The following TFDP2 variants were observed in gnomAD, a reference collection of about 807,000 sequenced individuals.
TFDP2 encodes the protein transcription factor Dp-2 (E2F dimerization partner 2).
TFDP2 carries 17 observed loss-of-function variants against 59.3 expected under a neutral mutation model. The ratio of observed to expected loss-of-function variants is 0.29; its 90% CI spans 0.20 to 0.43. The LOEUF is 0.43. Among genes scored for constraint, TFDP2 ranks in the 20% least tolerant of loss-of-function variants. The pLI is 1.00. For missense variants in TFDP2, 391 were observed against 528.8 expected, an observed-to-expected ratio of 0.74 and a Z score of 2.56; for synonymous variants, 180 against 194.7, an observed-to-expected ratio of 0.92 and a Z score of 0.63.
intron 3 of TFDP2, among the ~76,000 whole-genome samples, chr3:142,058,769 T>A (rs899534151): frequency 1.3e-5 from 2 of 152,142 alleles, no homozygotes; most frequent in African/African-American, 4.8e-5. Flanking sequence ...CCTCACTGTG[T>A]CCACCAACCC....
At chr3:141,955,143 TG>T (rs1936437818) in intron 11 of TFDP2, among the ~76,000 whole-genome samples, 1 of 152,220 alleles carries the variant, frequency 6.6e-6, no homozygotes, top group Non-Finnish European at 1.5e-5. Context: ...TACTTGTTTG[TG>T]AGCATAACAC....
chr3:142,117,588 G>A, intron 1 of TFDP2, among the ~76,000 whole-genome samples: 1 of 152,108 alleles, frequency 6.6e-6, no homozygotes, highest in East Asian at 1.9e-4. Flanking sequence ...CAGAAAGAGA[G>A]TTAAACAATA....
At chr3:142,077,371 CCA>C (rs2060494744) in intron 3 of TFDP2, among the ~76,000 whole-genome samples, 1 of 152,118 alleles carries the variant, frequency 6.6e-6, no homozygotes, top group Admixed American at 6.6e-5. Context: ...AGTGCTTGCG[CCA>C]CCCCATCCCA....
intron 6 of TFDP2, among the ~76,000 whole-genome samples, chr3:141,985,792 G>C (rs1178654289): frequency 3.3e-5 from 5 of 152,088 alleles, no homozygotes; most frequent in Admixed American, 3.3e-4. Flanking sequence ...AAAAACATTT[G>C]TGCCTCAAAA....
At chr3:141,990,378 G>A (rs892864864) in intron 6 of TFDP2, among the ~76,000 whole-genome samples, 37 of 151,420 alleles carry the variant, frequency 2.4e-4, no homozygotes, top group African/African-American at 9.0e-4. Flanking sequence ...GGGTTCAAGC[G>A]ATTCTCTTGC....
At chr3:142,129,360 C>T (rs1180288589) in intron 1 of TFDP2, among the ~76,000 whole-genome samples, 1 of 151,914 alleles carries the variant, frequency 6.6e-6, no homozygotes, top group Non-Finnish European at 1.5e-5. Context: ...ACAAAAATAA[C>T]TTTCCTAGAC....
At chr3:142,138,610 C>T (rs2062821903) in intron 1 of TFDP2, among the ~76,000 whole-genome samples, 1 of 152,134 alleles carries the variant, frequency 6.6e-6, no homozygotes, top group Non-Finnish European at 1.5e-5. Flanking sequence ...TTATTTCTGC[C>T]TTCATTTCAT....
intron 2 of TFDP2, among the ~76,000 whole-genome samples, chr3:142,093,692 G>A (rs2061072410): frequency 6.6e-6 from 1 of 152,104 alleles, no homozygotes; most frequent in South Asian, 2.1e-4. Flanking sequence ...TATGACATGT[G>A]AGGAATCAAA....
rs1325323403 is a variant in TFDP2 at position 141,946,935 on chromosome 3, G to C, written c.*5578C>G. The C allele has an allele frequency of 6.6e-6, 1 of 152,368 alleles. No individual in the cohort carries two copies. The highest frequency in any genetic ancestry group is 1.5e-5 in the Non-Finnish European group (1 of 68,198). The allele number at this position is 152,368 out of a possible 1,614,324, so 9.4% of individuals were successfully genotyped here. On this transcript the variant is annotated 3_prime_UTR_variant, in exon 13 of 13. Transcript: ENST00000489671. ...CCCAACTACTTGGGAGGCTGAGGCAGAAGAATCGCTTGAACCCGGGAGGCA... is the reference window on the plus strand; with the variant it reads ...CCCAACTACTTGGGAGGCTGAGGCACAAGAATCGCTTGAACCCGGGAGGCA...
At chr3:142,012,093 A>T (rs1467368127) in intron 3 of TFDP2, among the ~76,000 whole-genome samples, 6 of 150,652 alleles carry the variant, frequency 4.0e-5, no homozygotes, top group Non-Finnish European at 7.4e-5. Context: ...GCTCACTGCA[A>T]GCTCTGCCTC....
At chr3:141,994,564 C>T (rs974524708) in intron 5 of TFDP2, 5 of 152,082 alleles carry the variant, frequency 3.3e-5, no homozygotes, top group African/African-American at 1.2e-4. Context: ...AATTGTTCAG[C>T]GTTTAAAAAG....
chr3:141,999,386 A>C (rs1421452441), intron 4 of TFDP2, among the ~76,000 whole-genome samples: 1 of 152,218 alleles, frequency 6.6e-6, no homozygotes, highest in Non-Finnish European at 1.5e-5. Context: ...CTTCTAGTCA[A>C]TAATAAGGTA....
At chr3:141,993,638 A>C in intron 5 of TFDP2, 53 bp from the exon 6 acceptor site, 1 of 1,064,134 alleles carries the variant, frequency 9.4e-7, no homozygotes, top group East Asian at 2.6e-5. Flanking sequence ...ATACAATTTA[A>C]TTTCATTAAT....
chr3:142,069,179 G>A (rs2060162906), intron 3 of TFDP2, among the ~76,000 whole-genome samples: 1 of 152,270 alleles, frequency 6.6e-6, no homozygotes, highest in East Asian at 1.9e-4. Flanking sequence ...CTCCGAAAGT[G>A]CTGGGATTAC....
intron 3 of TFDP2, among the ~76,000 whole-genome samples, chr3:142,067,707 T>C (rs1408054350): frequency 6.6e-6 from 1 of 152,098 alleles, no homozygotes; most frequent in African/African-American, 2.4e-5. Flanking sequence ...TATCCAACTT[T>C]AAGACTGACT....
At chr3:141,993,469 C>A in intron 6 of TFDP2, 69 bp downstream of exon 6, 1 of 920,186 alleles carries the variant, frequency 1.1e-6, no homozygotes, top group South Asian at 1.7e-5. Flanking sequence ...TAAACCAGAG[C>A]AGTGGCAATG....
At chr3:142,117,520 T>C (rs977837982) in intron 1 of TFDP2, among the ~76,000 whole-genome samples, 1 of 151,760 alleles carries the variant, frequency 6.6e-6, no homozygotes, top group Non-Finnish European at 1.5e-5. Flanking sequence ...AAAAAGACTC[T>C]GTGAGAAAGA....
chr3:141,952,783 C>T, intron 12 of TFDP2, 87 bp from the exon 13 acceptor site: 1 of 1,579,908 alleles, frequency 6.3e-7, no homozygotes, highest in Non-Finnish European at 8.7e-7. Context: ...AAGGAGGTGC[C>T]ATTGGTGAGA....
In TFDP2 at chr3:142,007,166, A is replaced by T. The variant is rs575091090; in HGVS notation, c.83-1622T>A. ...TACTCTGTCTCCGGAATTTTCAACT[A>T]TTCCATTGGCCCTTTCCCTTCAGTT... On this transcript the variant is annotated intron_variant, in intron 3 of 12. Transcript: ENST00000489671. Among the ~76,000 whole-genome samples, 28 of 152,202 alleles carry T rather than the reference A, an allele frequency of 1.8e-4. No homozygotes were observed. The South Asian group carries it at 5.0e-3, about 27-fold the overall frequency.
Sources: allele counts gnomAD v4.1 joint callset (sites outside exome capture counted in the v4.1 genomes callset), GRCh38; gene constraint gnomAD v4.1.1; transcripts MANE v1.5; gene names NCBI Gene and HGNC (gene_info 2026-07-23, HGNC 2026-07-21).